SLC6A2: variants seen among roughly 807,000 people sequenced by gnomAD.
SLC6A2 encodes the protein solute carrier family 6 member 2.
In SLC6A2, 26 loss-of-function variants were observed where a neutral mutation model predicts 71.7. The ratio of observed to expected loss-of-function variants is 0.36; its 90% CI spans 0.27 to 0.50. The LOEUF (loss-of-function observed/expected upper bound fraction) is 0.50. SLC6A2 is among the 20% of genes least tolerant of loss of function. SLC6A2 has a pLI of 0.96. For synonymous variants in SLC6A2, 363 were observed against 337.9 expected, an observed-to-expected ratio of 1.07 and a Z score of -0.82; for missense variants, 581 against 803.9, an observed-to-expected ratio of 0.72 and a Z score of 3.35.
chr16:55,688,223 A>T (rs1461293296), intron 5 of SLC6A2, among the ~76,000 whole-genome samples: 1 of 152,250 alleles, frequency 6.6e-6, no homozygotes, highest in East Asian at 1.9e-4. Context: ...AGCCTTTCTT[A>T]GCAGGCTTCC....
At chr16:55,665,343 T>C (rs576302010) in intron 2 of SLC6A2, among the ~76,000 whole-genome samples, 1 of 152,320 alleles carries the variant, frequency 6.6e-6, no homozygotes, top group Admixed American at 6.5e-5. Context: ...TGATGCCTAC[T>C]GTGCTGTTAG....
chr16:55,700,234 C>T lies in SLC6A2; in HGVS notation c.1686C>T (p.Ala562=), dbSNP rs781308728. 4 of 1,614,086 alleles carry T rather than the reference C, an allele frequency of 2.5e-6. No individual in the cohort carries two copies. Among genetic ancestry groups the T allele is most frequent in the East Asian group, 4.5e-5 (2 of 44,852 alleles). The change falls in exon 13 of 15, where the codon GCC becomes GCT. Residue 562 remains alanine, a synonymous_variant. Transcript: ENST00000568943. The part of the protein sequence containing the change: ...PWANWVGWGI[A]LSSMVLVPIY... ...CCAACTGGGTGGGGTGGGGCATCGC[C>T]CTGTCCTCCATGGTCCTGGTGCCCA...
In SLC6A2 at chr16:55,685,149, T is replaced by G; in HGVS notation, c.651T>G (p.Gly217=). 1 of 1,614,154 alleles carries G rather than the reference T, an allele frequency of 6.2e-7. No individual in the cohort carries two copies. Among genetic ancestry groups the G allele is most frequent in the Non-Finnish European group, 8.5e-7 (1 of 1,180,020 alleles). The stretch of plus-strand genomic sequence containing the variant: ...TCCCCTCTCCTCTGGGCAGGCGTGG[T>G]GTCCTGCACCTTCACGAGAGCAGCG... The part of the protein sequence containing the change: ...FTPAAEFYER[G]VLHLHESSGI... Residue 217 remains glycine, a synonymous_variant, in exon 5 of 15, where the codon GGT becomes GGG. Transcript: ENST00000568943.
Position 55,705,596 on chromosome 16 carries a change from T to C in SLC6A2, c.*3250T>C. The C allele has an allele frequency of 3.8e-6, 1 of 261,800 alleles. No individual in the cohort carries two copies. The highest frequency in any genetic ancestry group is 7.2e-6 in the Non-Finnish European group (1 of 138,966). The allele number at this position is 261,800 out of a possible 1,614,324, so 16.2% of individuals were successfully genotyped here. A position where few individuals can be genotyped will look rare whatever the true frequency, so the allele number is the denominator to read the frequency against. ...CATCTTTTGGGGCTTCAAGATTCTT[T>C]GTCTTTAAAATCAGGGGTTATATCA... On this transcript the variant is annotated 3_prime_UTR_variant, in exon 15 of 15. Transcript: ENST00000568943.
intron 13 of SLC6A2, among the ~76,000 whole-genome samples, chr16:55,700,761 A>T (rs975917158): frequency 2.6e-5 from 4 of 152,196 alleles, no homozygotes; most frequent in Non-Finnish European, 5.9e-5. Context: ...TAATCTGATC[A>T]GCCTAAACCA....
intron 5 of SLC6A2, among the ~76,000 whole-genome samples, chr16:55,691,623 G>T (rs1402319564): frequency 9.9e-5 from 15 of 152,144 alleles, no homozygotes. Flanking sequence ...GGCATCTGGT[G>T]CTATGAGGAC....
chr16:55,665,072 C>A (rs552563570), intron 2 of SLC6A2, among the ~76,000 whole-genome samples: 1 of 152,224 alleles, frequency 6.6e-6, no homozygotes, highest in Non-Finnish European at 1.5e-5. Context: ...CACCTATGTG[C>A]AAGAGCCCTG....
chr16:55,682,425 G>T (rs912603389), intron 4 of SLC6A2, among the ~76,000 whole-genome samples: 1 of 152,158 alleles, frequency 6.6e-6, no homozygotes, highest in African/African-American at 2.4e-5. Context: ...TTCCTTACTC[G>T]TTCTCCTTGG....
chr16:55,706,133 T>C lies in SLC6A2; in HGVS notation c.*3787T>C, dbSNP rs1229637557. Reference sequence around the variant, plus strand: ...CTGTGTCTGATATGGATTTTAAAAGTTGTTCTCTTTGTGGAATATAAGTGT... The same window carrying C: ...CTGTGTCTGATATGGATTTTAAAAGCTGTTCTCTTTGTGGAATATAAGTGT... On this transcript the variant is annotated 3_prime_UTR_variant, in exon 15 of 15. Transcript: ENST00000568943. 1.3e-5 allele frequency: 2 copies of C among 152,390 alleles called. No homozygotes were observed. Among genetic ancestry groups the C allele is most frequent in the South Asian group, 2.1e-4 (1 of 4,828 alleles). 9.4% of individuals were successfully genotyped at this position (152,390 alleles called of 1,614,324 possible). A position where few individuals can be genotyped will look rare whatever the true frequency, so the allele number is the denominator to read the frequency against.
chr16:55,695,874 A>T (rs1338894229), intron 8 of SLC6A2, among the ~76,000 whole-genome samples: 6 of 152,284 alleles, frequency 3.9e-5, no homozygotes, highest in Non-Finnish European at 5.9e-5. Flanking sequence ...CCATATCCTT[A>T]TGGCCACAGA....
intron 9 of SLC6A2, among the ~76,000 whole-genome samples, chr16:55,697,692 G>A (rs533174242): frequency 3.3e-5 from 5 of 151,794 alleles, no homozygotes; most frequent in South Asian, 2.1e-4. Flanking sequence ...CCTCTCCCAC[G>A]TAGTTTCTGA....
rs1295313888 is a variant in SLC6A2 at position 55,656,652 on chromosome 16, C to T, written c.-43C>T. On this transcript the variant is annotated 5_prime_UTR_variant, in exon 2 of 15. Transcript: ENST00000568943. This position sits in a 1 kb window ranked among gnomAD's most constrained non-coding sequence, Gnocchi z 4.5. Reference sequence around the variant, plus strand: ...TCCCTTTATCCAAGCAGAGCCTCGGCGTGCCCCCAGGACCGGTAAAGTTCC... The same window carrying T: ...TCCCTTTATCCAAGCAGAGCCTCGGTGTGCCCCCAGGACCGGTAAAGTTCC... The T allele has an allele frequency of 1.2e-6, 2 of 1,609,616 alleles. No individual in the cohort carries two copies. Among genetic ancestry groups the T allele is most frequent in the Middle Eastern group, 2.2e-4 (1 of 4,498 alleles).
At chr16:55,700,447 G>T in intron 13 of SLC6A2, 141 bp downstream of exon 13, 1 of 690,562 alleles carries the variant, frequency 1.4e-6, no homozygotes, top group Non-Finnish European at 2.4e-6. Flanking sequence ...CATTGGCCAG[G>T]TTATTTTCCC....
At chr16:55,659,302 G>C (rs1418130857) in intron 2 of SLC6A2, among the ~76,000 whole-genome samples, 2 of 152,186 alleles carry the variant, frequency 1.3e-5, no homozygotes, top group Non-Finnish European at 2.9e-5. Flanking sequence ...AAGTCAGCTA[G>C]ATGGATATTC....
Position 55,671,993 on chromosome 16 carries a change from C to T in SLC6A2, c.462C>T (p.Val154=), listed in dbSNP as rs956114096. 17 of 1,614,046 alleles carry T rather than the reference C, an allele frequency of 1.1e-5. No individual in the cohort carries two copies. The Admixed American group carries it at 1.8e-4, about 17-fold the overall frequency. ...TGTACGTTGGCTTCTACTACAACGT[C>T]ATCATCGCCTGGTCACTCTACTACC... ...IALYVGFYYN[V]IIAWSLYYLF... is the part of the protein sequence containing the mutation. The change falls in exon 4 of 15, where the codon GTC becomes GTT. Residue 154 remains valine (V), a synonymous_variant. Transcript: ENST00000568943.
At position 55,703,614 on chromosome 16, in the gene SLC6A2, G is replaced by A. The variant is rs1168410335; in HGVS notation, c.*1268G>A. 3.0e-6 allele frequency: 3 copies of A among 985,280 alleles called. No homozygotes were observed. Among genetic ancestry groups the A allele is most frequent in the Non-Finnish European group, 3.6e-6 (3 of 829,922 alleles). The allele number at this position is 985,280 out of a possible 1,614,324, so 61.0% of individuals were successfully genotyped here. A position where few individuals can be genotyped will look rare whatever the true frequency, so the allele number is the denominator to read the frequency against. On this transcript the variant is annotated 3_prime_UTR_variant, in exon 15 of 15. Transcript: ENST00000568943. ...TGCCCTCTGGTGGTGTTTAGTTTTA[G>A]TTCCGTAAGAGAAATGATTCCTAGT...
chr16:55,700,439 T>C (rs1965939764), intron 13 of SLC6A2, 133 bp downstream of exon 13: 4 of 719,022 alleles, frequency 5.6e-6, no homozygotes, highest in East Asian at 2.7e-5. Context: ...ACCCACCTCA[T>C]TGGCCAGGTT....
intron 9 of SLC6A2, among the ~76,000 whole-genome samples, chr16:55,696,828 TA>T (rs1456360752): frequency 6.6e-6 from 1 of 152,008 alleles, no homozygotes; most frequent in Non-Finnish European, 1.5e-5. Flanking sequence ...ATAAAAAATT[TA>T]AAAAATTAGC....
chr16:55,667,171 A>T (rs1462378756), intron 2 of SLC6A2, among the ~76,000 whole-genome samples: 1 of 152,118 alleles, frequency 6.6e-6, no homozygotes, highest in Admixed American at 6.6e-5. Context: ...TGCTGGGACT[A>T]CAGGCATGAG....
Sources: allele counts gnomAD v4.1 joint callset (sites outside exome capture counted in the v4.1 genomes callset), GRCh38; gene constraint gnomAD v4.1.1; non-coding constraint Gnocchi (gnomAD v3.1); transcripts MANE v1.5; gene names NCBI Gene and HGNC (gene_info 2026-07-23, HGNC 2026-07-21).